The following PROS1 variants were observed in gnomAD, a reference collection of about 807,000 sequenced individuals.
PROS1 encodes protein S.
A neutral mutation model predicts 75.9 loss-of-function variants in PROS1; 29 were observed. That is an observed-to-expected ratio of 0.38 (90% confidence interval 0.28 to 0.52). The LOEUF is 0.52. Among genes scored for constraint, PROS1 ranks in the 20% least tolerant of loss-of-function variants. PROS1 has a pLI of 0.83. For missense variants in PROS1, 680 were observed against 810.3 expected, an observed-to-expected ratio of 0.84 and a Z score of 1.95; for synonymous variants, 245 against 280.6, an observed-to-expected ratio of 0.87 and a Z score of 1.27.
At chr3:93,948,963 A>T (rs1179072468) in intron 1 of PROS1, among the ~76,000 whole-genome samples, 2 of 152,206 alleles carry the variant, frequency 1.3e-5, no homozygotes, top group Non-Finnish European at 2.9e-5. Flanking sequence ...CAGATATTAA[A>T]AATGTGCCAG....
intron 1 of PROS1, among the ~76,000 whole-genome samples, chr3:93,944,384 T>C (rs552418721): frequency 3.3e-5 from 5 of 152,070 alleles, no homozygotes; most frequent in African/African-American, 1.2e-4. Context: ...CAGCACCACA[T>C]CAATGACCAC....
intron 1 of PROS1, among the ~76,000 whole-genome samples, chr3:93,958,127 T>C (rs1281225387): frequency 6.6e-6 from 1 of 151,874 alleles, no homozygotes; most frequent in East Asian, 1.9e-4. Flanking sequence ...AATAAAAATA[T>C]TGAATTATCA....
chr3:93,923,545 TAACTTTACAAAAGAA>T (rs1231170749), intron 3 of PROS1, among the ~76,000 whole-genome samples: 2 of 152,212 alleles, frequency 1.3e-5, no homozygotes, highest in Non-Finnish European at 2.9e-5. Context: ...TTCTTGCATG[TAACTTTACAAAAGAA>T]AACATCTTTT....
At chr3:93,940,307 C>A (rs1255292727) in intron 1 of PROS1, among the ~76,000 whole-genome samples, 1 of 152,008 alleles carries the variant, frequency 6.6e-6, no homozygotes, top group African/African-American at 2.4e-5. Context: ...CGGAAGTCTC[C>A]TGGAAGCCTC....
rs575156978 is a variant in PROS1 at position 93,888,804 on chromosome 3, C to A, written c.1156-2301G>T. On this transcript the variant is annotated intron_variant, in intron 10 of 14. Transcript: ENST00000394236. ...ACTCATTCTCCACTTCTGGTTTCCA[C>A]AAAGCCATTAGCTTCTGATTGGGAT... Among the ~76,000 whole-genome samples the A allele has an allele frequency of 9.2e-5, 14 of 152,294 alleles. No individual in the cohort carries two copies. The South Asian group carries it at 2.9e-3, about 32-fold the overall frequency.
chr3:93,955,465 C>T lies in PROS1; in HGVS notation c.76+18209G>A, dbSNP rs1327173125. ...GCTGGAAACCATCATTCTCAGCAAA[C>T]TATTGCAAGGACAGAAAACCAAACA... On this transcript the variant is annotated intron_variant, in intron 1 of 14. Transcript: ENST00000394236. Among the ~76,000 whole-genome samples, 3 of 152,014 alleles carry T rather than the reference C, an allele frequency of 2.0e-5. No homozygotes were observed. The East Asian group carries it at 5.8e-4, about 29-fold the overall frequency.
At chr3:93,955,740 G>A (rs1366652597) in intron 1 of PROS1, among the ~76,000 whole-genome samples, 7 of 151,472 alleles carry the variant, frequency 4.6e-5, no homozygotes, top group Non-Finnish European at 8.8e-5. Context: ...AAAAAGAAAG[G>A]CAAAGAAAAT....
intron 10 of PROS1, among the ~76,000 whole-genome samples, chr3:93,888,696 A>G (rs1314774838): frequency 2.0e-5 from 3 of 152,150 alleles, no homozygotes; most frequent in Non-Finnish European, 4.4e-5. Context: ...TCTTACCATC[A>G]GCACACCAGT....
At chr3:93,959,503 C>G (rs541108358) in intron 1 of PROS1, among the ~76,000 whole-genome samples, 1 of 152,248 alleles carries the variant, frequency 6.6e-6, no homozygotes, top group South Asian at 2.1e-4. Flanking sequence ...TCTTCTCTTG[C>G]CCTAATTGCC....
intron 3 of PROS1, among the ~76,000 whole-genome samples, chr3:93,920,132 T>C (rs1008291741): frequency 2.4e-4 from 36 of 152,234 alleles, no homozygotes; most frequent in African/African-American, 8.4e-4. Flanking sequence ...ACATAGTACC[T>C]CACACCTATA....
intron 1 of PROS1, among the ~76,000 whole-genome samples, chr3:93,947,915 C>T (rs752974822): frequency 1.3e-5 from 2 of 152,138 alleles, no homozygotes; most frequent in Non-Finnish European, 2.9e-5. Flanking sequence ...CTTACCTTGG[C>T]ATTGCCCTTG....
Position 93,928,505 on chromosome 3 carries a change from G to A in PROS1, c.77-1098C>T, listed in dbSNP as rs1252510364. 2.1e-5 allele frequency among the ~76,000 whole-genome samples: 3 copies of A among 144,030 alleles called. No homozygotes were observed. In the Admixed American group the frequency reaches 2.1e-4, roughly 10 times the overall value. The allele number at this position is 144,030 out of a possible 152,430, so 94.5% of individuals were successfully genotyped here. On this transcript the variant is annotated intron_variant, in intron 1 of 14. Transcript: ENST00000394236. The stretch of plus-strand genomic sequence containing the variant: ...GCTGAGATCCTGCCACTGCACTCCA[G>A]CCTGGGCAATAGAGCAAGACTCTGT...
At chr3:93,951,122 G>A (rs774605032) in intron 1 of PROS1, among the ~76,000 whole-genome samples, 11 of 152,154 alleles carry the variant, frequency 7.2e-5, no homozygotes, top group Non-Finnish European at 1.5e-4. Context: ...TGTCTGATTG[G>A]TGTACCTGAA....
chr3:93,888,843 G>C (rs560985719), intron 10 of PROS1, among the ~76,000 whole-genome samples: 2 of 152,010 alleles, frequency 1.3e-5, no homozygotes, highest in South Asian at 4.2e-4. Flanking sequence ...CTTTTAAAAT[G>C]CAAACTAGAT....
chr3:93,900,663 A>G (rs1188167338), intron 7 of PROS1, 141 bp downstream of exon 7: 1 of 1,231,262 alleles, frequency 8.1e-7, no homozygotes, highest in Non-Finnish European at 1.2e-6. Flanking sequence ...AAGGAAGCCA[A>G]TGATTACCCA....
chr3:93,909,843 G>A (rs1209262111), intron 4 of PROS1, among the ~76,000 whole-genome samples: 1 of 151,924 alleles, frequency 6.6e-6, no homozygotes, highest in African/African-American at 2.4e-5. Flanking sequence ...AATACATTAG[G>A]TATTAGTTTA....
In PROS1 at chr3:93,874,245, T is replaced by A. The variant is rs267606981; in HGVS notation, c.2031A>T (p.Ter677TyrextTer14). Residue 677 changes from the stop codon to tyrosine (Y), a stop_lost, in exon 15 of 15, where the codon TAA becomes TAT. Transcript: ENST00000394236. ...GTATTATAAGCAGAGAAAAGATGCCTTAAGAATTCTTTGTCTTTTTCCAAA... is the reference window on the plus strand; with the variant it reads ...GTATTATAAGCAGAGAAAAGATGCCATAAGAATTCTTTGTCTTTTTCCAAA... ...PSVWKKTKNS[*>Y] 6.2e-7 allele frequency: 1 copy of A among 1,613,312 alleles called. No individual in the cohort carries two copies. Among genetic ancestry groups the A allele is most frequent in the Non-Finnish European group, 8.5e-7 (1 of 1,179,416 alleles).
intron 1 of PROS1, among the ~76,000 whole-genome samples, chr3:93,956,560 AC>A (rs1709605842): frequency 1.4e-4 from 11 of 80,122 alleles, no homozygotes; most frequent in Admixed American, 3.5e-4. Flanking sequence ...ACACACACAC[AC>A]AAACACACAC....
Position 93,927,554 on chromosome 3 carries a change from G to A in PROS1, c.77-147C>T, listed in dbSNP as rs1709038545. 8.7e-6 allele frequency: 8 copies of A among 923,812 alleles called. No homozygotes were observed. In the Admixed American group the frequency reaches 1.9e-4, roughly 22 times the overall value. 57.2% of individuals were successfully genotyped at this position (923,812 alleles called of 1,614,324 possible). On this transcript the variant is annotated intron_variant, in intron 1 of 14. Transcript: ENST00000394236. ...ATGATCGAACTAAGAAAAAAATGCAGATACAGAAGCACGTTGGTTAACAAT... is the reference window on the plus strand; with the variant it reads ...ATGATCGAACTAAGAAAAAAATGCAAATACAGAAGCACGTTGGTTAACAAT...
Sources: allele counts gnomAD v4.1 joint callset (sites outside exome capture counted in the v4.1 genomes callset), GRCh38; gene constraint gnomAD v4.1.1; transcripts MANE v1.5; gene names NCBI Gene and HGNC (gene_info 2026-07-23, HGNC 2026-07-21).